The following PCGF3 variants were observed in gnomAD, a reference collection of about 807,000 sequenced individuals.
PCGF3 encodes polycomb group RING finger protein 3.
A neutral mutation model predicts 33.1 loss-of-function variants in PCGF3; 7 were observed. That is an observed-to-expected ratio of 0.21 (90% CI 0.12 to 0.40). The LOEUF is 0.40. Ranked by LOEUF, PCGF3 falls within the 10% of genes least tolerant of loss-of-function variation. PCGF3 has a pLI of 1.00. For missense variants in PCGF3, 211 were observed against 313.3 expected (o/e 0.67, Z 2.46); for synonymous variants, 153 against 121.3 (o/e 1.26, Z -1.72).
intron 3 of PCGF3, 76 bp downstream of exon 3, chr4:731,186 C>A: frequency 2.5e-6 from 1 of 398,466 alleles, no homozygotes; most frequent in East Asian, 3.6e-5. Flanking sequence ...TGGCGAGGGC[C>A]GGCGATCATT....
chr4:753,187 C>G (rs999954721), intron 8 of PCGF3, among the ~76,000 whole-genome samples: 2 of 152,200 alleles, frequency 1.3e-5, no homozygotes, highest in African/African-American at 4.8e-5. Flanking sequence ...AACTTTAGAG[C>G]TTTTTTATTT....
intron 1 of PCGF3, among the ~76,000 whole-genome samples, chr4:724,425 T>C (rs917818119): frequency 9.2e-5 from 14 of 152,346 alleles, no homozygotes; most frequent in Admixed American, 7.2e-4. Context: ...GTGGGGGCCA[T>C]GGACCAGAAG....
intron 1 of PCGF3, among the ~76,000 whole-genome samples, chr4:727,934 C>T (rs942721096): frequency 6.6e-6 from 1 of 152,182 alleles, no homozygotes; most frequent in Non-Finnish European, 1.5e-5. Context: ...GGTGAAACCA[C>T]CTGCATCCCT....
chr4:762,001 CGCAGGAGAGGCCAGCGCCAGGAGTT>C (rs1577447061), intron 9 of PCGF3: 3 of 985,318 alleles, frequency 3.0e-6, no homozygotes, highest in African/African-American at 1.7e-5. Context: ...CAGAAATGGA[CGCAGGAGAGGCCAGCGCCAGGAGTT>C]GCAGGAGAGG....
chr4:730,957 G>A lies in PCGF3; in HGVS notation c.-150-13G>A, dbSNP rs769262076. 9.5e-5 allele frequency: 38 copies of A among 398,304 alleles called. No homozygotes were observed. The highest frequency in any genetic ancestry group is 1.7e-4 in the Non-Finnish European group (38 of 225,876). The allele number at this position is 398,304 out of a possible 1,614,324, so 24.7% of individuals were successfully genotyped here. On this transcript the variant is annotated splice_polypyrimidine_tract_variant and intron_variant, in intron 2 of 10. Transcript: ENST00000362003. The stretch of plus-strand genomic sequence containing the variant: ...GACGCGAAGTGAACTAACAGGTGCC[G>A]TTTCTGTGCTAGAAAATGGAAAAAG...
chr4:719,387 G>T (rs945121791), intron 1 of PCGF3, among the ~76,000 whole-genome samples: 12 of 152,240 alleles, frequency 7.9e-5, no homozygotes, highest in African/African-American at 2.4e-4. Flanking sequence ...CTGTGTGTCC[G>T]CACGAGGTTG....
intron 1 of PCGF3, among the ~76,000 whole-genome samples, chr4:706,524 A>AGG (rs1392122633): frequency 7.9e-6 from 1 of 126,980 alleles, no homozygotes. Flanking sequence ...GGGAGGGCCA[A>AGG]GACCCCAGAC....
chr4:762,663 A>G (rs942984204), intron 9 of PCGF3: 1 of 152,218 alleles, frequency 6.6e-6, no homozygotes, highest in Non-Finnish European at 1.5e-5. Context: ...GCCGAAATCA[A>G]TTTGTTCTTC....
intron 1 of PCGF3, among the ~76,000 whole-genome samples, chr4:724,353 C>T (rs1446372284): frequency 6.6e-6 from 1 of 152,218 alleles, no homozygotes; most frequent in Non-Finnish European, 1.5e-5. Context: ...TGGGCCACCA[C>T]AGCCGGCCGC....
At chr4:712,899 C>G (rs1051594256) in intron 1 of PCGF3, among the ~76,000 whole-genome samples, 1 of 152,274 alleles carries the variant, frequency 6.6e-6, no homozygotes, top group Non-Finnish European at 1.5e-5. Context: ...GAGGGGAAAT[C>G]TGTCTGCAGA....
At chr4:713,395 G>A (rs1250112175) in intron 1 of PCGF3, among the ~76,000 whole-genome samples, 10 of 147,350 alleles carry the variant, frequency 6.8e-5, no homozygotes, top group African/African-American at 2.5e-4. Context: ...TGGGTCCTGT[G>A]TGGCCTTGTG....
intron 6 of PCGF3, among the ~76,000 whole-genome samples, chr4:743,256 A>G (rs896839565): frequency 6.6e-6 from 1 of 152,258 alleles, no homozygotes; most frequent in Non-Finnish European, 1.5e-5. Context: ...TCTGCGACTC[A>G]ACGTCCCACG....
chr4:717,302 A>C (rs1742897949), intron 1 of PCGF3, among the ~76,000 whole-genome samples: 1 of 148,248 alleles, frequency 6.7e-6, no homozygotes, highest in South Asian at 2.2e-4. Flanking sequence ...TGAATGTGAG[A>C]ACTGGGCGTC....
intron 8 of PCGF3, among the ~76,000 whole-genome samples, chr4:758,435 C>G (rs1283308834): frequency 7.0e-6 from 1 of 143,326 alleles, no homozygotes; most frequent in East Asian, 2.1e-4. Flanking sequence ...GCCCCTCTCC[C>G]GAGTTCTTCT....
intron 8 of PCGF3, among the ~76,000 whole-genome samples, chr4:760,060 C>T (rs1039623230): frequency 3.3e-5 from 5 of 152,222 alleles, no homozygotes; most frequent in Non-Finnish European, 5.9e-5. Context: ...CACCCCGGAG[C>T]AAGGATGTCT....
intron 8 of PCGF3, among the ~76,000 whole-genome samples, chr4:753,264 G>T (rs1744606752): frequency 6.6e-6 from 1 of 152,230 alleles, no homozygotes; most frequent in Admixed American, 6.5e-5. Flanking sequence ...GCTCCCTGCA[G>T]CCTCGACCTC....
intron 1 of PCGF3, among the ~76,000 whole-genome samples, chr4:725,826 G>A (rs531059034): frequency 1.3e-5 from 2 of 152,222 alleles, no homozygotes; most frequent in South Asian, 2.1e-4. Flanking sequence ...GCTCGTCCCC[G>A]GGTCCCCCAG....
At chr4:759,961 C>T (rs1245818111) in intron 8 of PCGF3, among the ~76,000 whole-genome samples, 1 of 152,166 alleles carries the variant, frequency 6.6e-6, no homozygotes, top group Non-Finnish European at 1.5e-5. Flanking sequence ...CACGGCCTCT[C>T]TCCCGAGTTC....
rs1449740580 is a variant in PCGF3, at chr4:731,569, G to T, written c.-10+459G>T. On this transcript the variant is annotated intron_variant, in intron 3 of 10. Coordinates refer to ENST00000362003, the Ensembl canonical transcript of PCGF3. ...GGGCGGGGCTCCCCCTCCCGTCGTG[G>T]GTGGGCGTGGTCCTCGGGCATAGGG... Among the ~76,000 whole-genome samples the T allele has an allele frequency of 1.6e-5, 2 of 127,946 alleles. 1 individual carries two copies. Among genetic ancestry groups the T allele is most frequent in the Non-Finnish European group, 3.6e-5 (2 of 55,194 alleles). 83.9% of individuals were successfully genotyped at this position (127,946 alleles called of 152,430 possible). A position where few individuals can be genotyped will look rare whatever the true frequency, so the allele number is the denominator to read the frequency against.
Sources: allele counts gnomAD v4.1 joint callset (sites outside exome capture counted in the v4.1 genomes callset), GRCh38; gene constraint gnomAD v4.1.1; transcripts MANE v1.5; gene names NCBI Gene and HGNC (gene_info 2026-07-23, HGNC 2026-07-21).